The following IRX5 variants were observed in gnomAD, a reference collection of about 807,000 sequenced individuals.
The protein encoded by IRX5 is iroquois-class homeodomain protein IRX-5.
In IRX5, 8 loss-of-function variants were observed where a neutral mutation model predicts 37.6. That is an observed-to-expected ratio of 0.21 (90% CI 0.12 to 0.38). The LOEUF (loss-of-function observed/expected upper bound fraction) is 0.38. Ranked by LOEUF, IRX5 falls within the 10% of genes least tolerant of loss-of-function variation. The probability of loss-of-function intolerance (pLI) is 1.00; values close to 1 mark genes in which losing one functional copy is unlikely to be tolerated. For missense variants in IRX5, 635 were observed against 695.2 expected (o/e 0.91, Z 0.97); for synonymous variants, 359 against 328.6 (o/e 1.09, Z -1.00).
chr16:54,931,420 C>G lies in IRX5; in HGVS notation c.222C>G (p.Ala74=). Residue 74 remains alanine (A), a synonymous_variant, in exon 1 of 3, where the codon GCC becomes GCG. Transcript: ENST00000394636. ...HLQYGADPAA[A]AAAAFSSYVG... is the part of the protein sequence containing the mutation. Reference sequence around the variant, plus strand: ...AGTACGGCGCCGACCCCGCGGCCGCCGCCGCCGCCGCCTTCTCCTCGTACG... The same window carrying G: ...AGTACGGCGCCGACCCCGCGGCCGCGGCCGCCGCCGCCTTCTCCTCGTACG... 6.3e-7 allele frequency: 1 copy of G among 1,589,902 alleles called. No homozygotes were observed. Among genetic ancestry groups the G allele is most frequent in the Non-Finnish European group, 8.5e-7 (1 of 1,175,626 alleles).
chr16:54,931,920 T>TA lies in IRX5; in HGVS notation c.249+476dup, dbSNP rs1274171216. The TA allele has an allele frequency of 8.2e-6, 5 of 612,016 alleles. No individual in the cohort carries two copies. In the African/African-American group the frequency reaches 9.2e-5, roughly 11 times the overall value. The allele number at this position is 612,016 out of a possible 1,614,324, so 37.9% of individuals were successfully genotyped here. A position where few individuals can be genotyped will look rare whatever the true frequency, so the allele number is the denominator to read the frequency against. On this transcript the variant is annotated intron_variant, in intron 1 of 2. Coordinates refer to ENST00000394636, the MANE Select transcript of IRX5 (RefSeq NM_005853.6). ...TCTTCGCAATCCGATTTGGGAGTAT[T>TA]AAATTTCTGAAAAGTCGGTCGAGCT... is the stretch of plus-strand genomic sequence containing the variant.
Position 54,932,803 on chromosome 16 carries a change from C to T in IRX5, c.555C>T (p.Ser185=). The T allele has an allele frequency of 5.0e-6, 8 of 1,614,062 alleles. No homozygotes were observed. Among genetic ancestry groups the T allele is most frequent in the Non-Finnish European group, 6.8e-6 (8 of 1,180,014 alleles). The change falls in exon 2 of 3, where the codon AGC becomes AGT. Residue 185 remains serine, a synonymous_variant. Transcript: ENST00000394636. The surrounding 1 kb of genome is among the most constrained non-coding windows in gnomAD (Gnocchi z 6.7). ...NKMTWTPRNR[S]EDEEEEENID... is the part of the protein sequence containing the mutation. Reference sequence around the variant, plus strand: ...TGACGTGGACGCCGCGGAACCGCAGCGAGGACGAGGAAGAGGAGGAGAACA... The same window carrying T: ...TGACGTGGACGCCGCGGAACCGCAGTGAGGACGAGGAAGAGGAGGAGAACA...
At chr16:54,931,516 GA>G in intron 1 of IRX5, 69 bp downstream of exon 1, 3 of 1,458,430 alleles carry the variant, frequency 2.1e-6, no homozygotes, top group Non-Finnish European at 2.7e-6. Flanking sequence ...GGCGGAGGGG[GA>G]CACGGGCCTA....
rs1253154074 is a variant in IRX5, at chr16:54,933,173, A to C, written c.752A>C (p.Asp251Ala). ...ACGGAGGGCAGCCTCAGCGACTCGG[A>C]TTTTAAGGAGCCGCCCTCGGAGGGC... ...KETEGSLSDSDFKEPPSEGRL... is the reference protein window; with the variant it reads ...KETEGSLSDSAFKEPPSEGRL... The change falls in exon 3 of 3, where the codon GAT (aspartate) becomes GCT (alanine). Residue 251 changes from aspartate to alanine, a missense_variant. Asp to Ala is a moderately radical substitution (Grantham distance 126). This residue lies in a region of IRX5 where 244 missense variants were observed against 205.4 expected (regional missense o/e 1.19). Coordinates refer to ENST00000394636, the MANE Select transcript of IRX5 (RefSeq NM_005853.6). The C allele has an allele frequency of 1.3e-6, 2 of 1,565,004 alleles. No individual in the cohort carries two copies. Among genetic ancestry groups the C allele is most frequent in the East Asian group, 4.7e-5 (2 of 42,996 alleles).
chr16:54,932,157 A>G lies in IRX5; in HGVS notation c.250-341A>G. On this transcript the variant is annotated intron_variant, in intron 1 of 2. Coordinates refer to ENST00000394636, the MANE Select transcript of IRX5 (RefSeq NM_005853.6). The surrounding 1 kb of genome is among the most constrained non-coding windows in gnomAD (Gnocchi z 6.7). ...GAGCGCGGAGTCGCCTCAGTTGCCC[A>G]GGCCTCTATCTGCATGGAGGGCCGG... The G allele has an allele frequency of 2.8e-6, 2 of 702,856 alleles. No homozygotes were observed. Among genetic ancestry groups the G allele is most frequent in the Non-Finnish European group, 5.2e-6 (2 of 384,970 alleles). 43.5% of individuals were successfully genotyped at this position (702,856 alleles called of 1,614,324 possible). A position where few individuals can be genotyped will look rare whatever the true frequency, so the allele number is the denominator to read the frequency against.
Position 54,932,998 on chromosome 16 carries a change from G to A in IRX5, c.656-79G>A, listed in dbSNP as rs772365731. 2.1e-4 allele frequency: 342 copies of A among 1,598,936 alleles called. No homozygotes were observed. Among genetic ancestry groups the A allele is most frequent in the Non-Finnish European group, 2.8e-4 (330 of 1,174,738 alleles). ...CACGGGGCCTGGAGGTTGGGGGCAG[G>A]GGTCCCTGCCTTTGCGGGCGGGAAC... On this transcript the variant is annotated intron_variant, in intron 2 of 2. Transcript: ENST00000394636. The surrounding 1 kb of genome is among the most constrained non-coding windows in gnomAD (Gnocchi z 6.7).
In IRX5 at chr16:54,934,043, CAA is replaced by C. The variant is rs375093347; in HGVS notation, c.*180_*181del. 2.3e-5 allele frequency: 13 copies of C among 555,846 alleles called. No individual in the cohort carries two copies. The highest frequency in any genetic ancestry group is 4.0e-5 in the Admixed American group (1 of 24,754). 34.4% of individuals were successfully genotyped at this position (555,846 alleles called of 1,614,324 possible). On this transcript the variant is annotated 3_prime_UTR_variant, in exon 3 of 3. Coordinates refer to ENST00000394636, the MANE Select transcript of IRX5 (RefSeq NM_005853.6). ...ACATAAAAATGTAAACATCTCCACACAAAAAAAAAAATGTCTTAACCAACCGA... is the reference window on the plus strand; with the variant it reads ...ACATAAAAATGTAAACATCTCCACACAAAAAAAAATGTCTTAACCAACCGA...
intron 1 of IRX5, 25 bp downstream of exon 1, chr16:54,931,472 G>T (rs1182862655): frequency 5.2e-6 from 8 of 1,531,940 alleles, no homozygotes; most frequent in Non-Finnish European, 7.0e-6. Context: ...TCCGCGGCGG[G>T]CGAGGGGCAG....
rs1963938601 is a variant in IRX5, at chr16:54,933,945, C to T, written c.*72C>T. 2 of 1,410,154 alleles carry T rather than the reference C, an allele frequency of 1.4e-6. No homozygotes were observed. Among genetic ancestry groups the T allele is most frequent in the African/African-American group, 1.4e-5 (1 of 69,566 alleles). The allele number at this position is 1,410,154 out of a possible 1,614,324, so 87.4% of individuals were successfully genotyped here. A position where few individuals can be genotyped will look rare whatever the true frequency, so the allele number is the denominator to read the frequency against. On this transcript the variant is annotated 3_prime_UTR_variant, in exon 3 of 3. Transcript: ENST00000394636. Reference sequence around the variant, plus strand: ...GCCTTGGCAGTTATTTTTCCATCACCGAGAGAGAGAGACAGAGAGAGAAAA... The same window carrying T: ...GCCTTGGCAGTTATTTTTCCATCACTGAGAGAGAGAGACAGAGAGAGAAAA...
chr16:54,933,127 C>T lies in IRX5; in HGVS notation c.706C>T (p.Pro236Ser). ...GGGCTGCGAACGGCTTCAGGGACCA[C>T]CCACCCCTGCAGGCAAGGAGACGGA... ...ASGCERLQGP[P>S]TPAGKETEGS... is the part of the protein sequence containing the mutation. The change falls in exon 3 of 3, where the codon CCC (proline) becomes TCC (serine). Residue 236 changes from proline (P) to serine (S), a missense_variant. This residue lies in a region of IRX5 where 244 missense variants were observed against 205.4 expected (regional missense o/e 1.19). Transcript: ENST00000394636. The T allele has an allele frequency of 6.3e-7, 1 of 1,586,954 alleles. No homozygotes were observed. The highest frequency in any genetic ancestry group is 2.3e-5 in the East Asian group (1 of 43,988).
rs1963915816 is a variant in IRX5, at chr16:54,932,850, A to G, written c.602A>G (p.Glu201Gly). Reference sequence around the variant, plus strand: ...AACATTGACCTGGAGAAGAACGACGAGGACGAGCCCCAGAAGCCCGAGGAC... The same window carrying G: ...AACATTGACCTGGAGAAGAACGACGGGGACGAGCCCCAGAAGCCCGAGGAC... The part of the protein sequence containing the change: ...EENIDLEKND[E>G]DEPQKPEDKG... Residue 201 changes from glutamate (E) to glycine (G), a missense_variant, in exon 2 of 3, where the codon GAG becomes GGG. Glu to Gly is a moderately conservative substitution (Grantham distance 98). Transcript: ENST00000394636. This position sits in a 1 kb window ranked among gnomAD's most constrained non-coding sequence, Gnocchi z 6.7. 2 of 1,614,082 alleles carry G rather than the reference A, an allele frequency of 1.2e-6. No homozygotes were observed. Among genetic ancestry groups the G allele is most frequent in the South Asian group, 1.1e-5 (1 of 91,086 alleles).
rs377509714 is a variant in IRX5 at position 54,932,623 on chromosome 16, G to A, written c.375G>A (p.Thr125=). ...GGAAGAACGCCACAAGGGACGCCAC[G>A]GCTACCCTCAAGGCCTGGCTCAACG... ...AYRKNATRDA[T]ATLKAWLNEH... Residue 125 remains threonine (T), a synonymous_variant, in exon 2 of 3, where the codon ACG becomes ACA. Transcript: ENST00000394636. The surrounding 1 kb of genome is among the most constrained non-coding windows in gnomAD (Gnocchi z 6.7). 56 of 1,613,942 alleles carry A rather than the reference G, an allele frequency of 3.5e-5. No homozygotes were observed. The highest frequency in any genetic ancestry group is 4.3e-5 in the Non-Finnish European group (51 of 1,180,024).
chr16:54,933,457 A>G lies in IRX5; in HGVS notation c.1036A>G (p.Lys346Glu). The G allele has an allele frequency of 1.9e-6, 3 of 1,611,930 alleles. No individual in the cohort carries two copies. The highest frequency in any genetic ancestry group is 2.5e-6 in the Non-Finnish European group (3 of 1,179,502). Residue 346 changes from lysine to glutamate, a missense_variant, in exon 3 of 3, where the codon AAG (lysine) becomes GAG (glutamate). Around this residue, in one of 5 missense-constraint regions of IRX5, gnomAD observed 188 missense variants for 200.8 expected, o/e 0.94. Coordinates refer to ENST00000394636, the MANE Select transcript of IRX5 (RefSeq NM_005853.6). The stretch of plus-strand genomic sequence containing the variant: ...GGCAGAGATCGCCACATCGTCGGAC[A>G]AGGTCAAGGACGGGGGCGGCGGGAA... ...SLAEIATSSD[K>E]VKDGGGGNEG...
chr16:54,931,225 C>T lies in IRX5; in HGVS notation c.27C>T (p.Tyr9=). The change falls in exon 1 of 3, where the codon TAC becomes TAT. Residue 9 remains tyrosine (Y), a synonymous_variant. Coordinates refer to ENST00000394636, the MANE Select transcript of IRX5 (RefSeq NM_005853.6). MSYPQGYL[Y]QPSASLALYS... Reference sequence around the variant, plus strand: ...TGTCCTATCCGCAGGGCTACTTGTACCAGCCGTCCGCCTCGCTGGCGCTCT... The same window carrying T: ...TGTCCTATCCGCAGGGCTACTTGTATCAGCCGTCCGCCTCGCTGGCGCTCT... The T allele has an allele frequency of 6.2e-7, 1 of 1,610,994 alleles. No individual in the cohort carries two copies. Among genetic ancestry groups the T allele is most frequent in the Non-Finnish European group, 8.5e-7 (1 of 1,179,054 alleles).
chr16:54,933,588 G>T lies in IRX5; in HGVS notation c.1167G>T (p.Gln389His). Residue 389 changes from glutamine (Q) to histidine (H), a missense_variant, in exon 3 of 3, where the codon CAG becomes CAT. By Grantham distance (24) the Gln-to-His change is conservative. This residue lies in a region of IRX5 where 188 missense variants were observed against 200.8 expected (regional missense o/e 0.94). Coordinates refer to ENST00000394636, the MANE Select transcript of IRX5 (RefSeq NM_005853.6). ...CGCCGTCACGCTCGCCCTCGGCGCA[G>T]TGTCCTTTTCCAGGCGGGACGGTGC... The part of the protein sequence containing the change: ...APAPSRSPSA[Q>H]CPFPGGTVLS... 2 of 1,610,056 alleles carry T rather than the reference G, an allele frequency of 1.2e-6. No homozygotes were observed. The highest frequency in any genetic ancestry group is 1.7e-6 in the Non-Finnish European group (2 of 1,177,944).
In IRX5 at chr16:54,933,863, C is replaced by T. The variant is rs1963937624; in HGVS notation, c.1442C>T (p.Ser481Phe). 4 of 1,584,800 alleles carry T rather than the reference C, an allele frequency of 2.5e-6. No homozygotes were observed. Among genetic ancestry groups the T allele is most frequent in the African/African-American group, 1.3e-5 (1 of 74,228 alleles). Residue 481 changes from serine (S) to phenylalanine (F), a missense_variant, in exon 3 of 3, where the codon TCC (serine) becomes TTC (phenylalanine). Transcript: ENST00000394636. ...DSPYELKKGM[S>F]DI ...CCCTATGAATTGAAGAAAGGTATGT[C>T]CGACATTTAACGCGGGCTGCGTCGG... is the stretch of plus-strand genomic sequence containing the variant.
rs770496591 is a variant in IRX5 at position 54,931,156 on chromosome 16, G to C, written c.-43G>C. ...GCCCTCGCAGGGCGCCGCCCGGCTC[G>C]TTGGCGGCCGCGGCGCGGCGCGCCC... On this transcript the variant is annotated 5_prime_UTR_variant, in exon 1 of 3. Coordinates refer to ENST00000394636, the MANE Select transcript of IRX5 (RefSeq NM_005853.6). 4 of 1,307,892 alleles carry C rather than the reference G, an allele frequency of 3.1e-6. No individual in the cohort carries two copies. Among genetic ancestry groups the C allele is most frequent in the Non-Finnish European group, 3.9e-6 (4 of 1,025,794 alleles). 81.0% of individuals were successfully genotyped at this position (1,307,892 alleles called of 1,614,324 possible).
At position 54,933,974 on chromosome 16, in the gene IRX5, A is replaced by G; in HGVS notation, c.*101A>G. The G allele has an allele frequency of 8.1e-7, 1 of 1,227,740 alleles. No individual in the cohort carries two copies. The highest frequency in any genetic ancestry group is 2.4e-5 in the East Asian group (1 of 41,354). The allele number at this position is 1,227,740 out of a possible 1,614,324, so 76.1% of individuals were successfully genotyped here. A position where few individuals can be genotyped will look rare whatever the true frequency, so the allele number is the denominator to read the frequency against. On this transcript the variant is annotated 3_prime_UTR_variant, in exon 3 of 3. Coordinates refer to ENST00000394636, the MANE Select transcript of IRX5 (RefSeq NM_005853.6). ...AGAGAGAGACAGAGAGAGAAAATAA[A>G]CTACCCCTCCTATTCAGAAGTTTAT...
chr16:54,933,111 A>G lies in IRX5; in HGVS notation c.690A>G (p.Glu230=), dbSNP rs1963920768. 4 of 1,589,530 alleles carry G rather than the reference A, an allele frequency of 2.5e-6. No homozygotes were observed. The highest frequency in any genetic ancestry group is 2.2e-4 in the Middle Eastern group (1 of 4,604). The part of the protein sequence containing the change: ...GAEQKAASGC[E]RLQGPPTPAG... ...AGCAGAAGGCGGCTTCGGGCTGCGA[A>G]CGGCTTCAGGGACCACCCACCCCTG... The change falls in exon 3 of 3, where the codon GAA becomes GAG. Residue 230 remains glutamate (E), a synonymous_variant. Coordinates refer to ENST00000394636, the MANE Select transcript of IRX5 (RefSeq NM_005853.6).
Sources: gnomAD v4.1 joint callset for allele counts on GRCh38, gnomAD v4.1.1 for gene constraint, gnomAD v4.1.1 regional missense constraint, Gnocchi (gnomAD v3.1) non-coding constraint, MANE v1.5 for transcripts, NCBI Gene and HGNC (gene_info 2026-07-23, HGNC 2026-07-21) for gene names.